SNTG1: variants seen among roughly 807,000 people sequenced by gnomAD.
SNTG1 encodes the protein syntrophin gamma 1, also known as gamma-1-syntrophin.
A neutral mutation model predicts 74.7 loss-of-function variants in SNTG1; 39 were observed. The observed-to-expected ratio is 0.52, with a 90% CI of 0.40 to 0.68. SNTG1 has a LOEUF of 0.68. SNTG1 is among the 30% of genes least tolerant of loss of function. SNTG1 has a pLI of 0.00. For missense variants in SNTG1, 685 were observed against 609.5 expected, an observed-to-expected ratio of 1.12 and a Z score of -1.30; for synonymous variants, 254 against 217.1, an observed-to-expected ratio of 1.17 and a Z score of -1.49.
At chr8:50,746,844 A>T (rs1395427530) in intron 17 of SNTG1, among the ~76,000 whole-genome samples, 1 of 147,706 alleles carries the variant, frequency 6.8e-6, no homozygotes, top group Non-Finnish European at 1.5e-5. Context: ...TATAATATAT[A>T]ATATATTATA....
Position 50,752,069 on chromosome 8 carries a change from A to T in SNTG1, c.1353A>T (p.Lys451Asn). The change falls in exon 18 of 19, where the codon AAA (lysine) becomes AAT (asparagine). Residue 451 changes from lysine to asparagine, a missense_variant. Coordinates refer to ENST00000642720, the MANE Select transcript of SNTG1 (RefSeq NM_018967.5). Reference sequence around the variant, plus strand: ...CAGATGATGGCAAGAGCAAAATCAAATTTTTGTTTCAGAATCCAGATACTA... The same window carrying T: ...CAGATGATGGCAAGAGCAAAATCAATTTTTTGTTTCAGAATCCAGATACTA... The part of the protein sequence containing the change: ...GSSDDGKSKI[K>N]FLFQNPDTKQ... 6.4e-7 allele frequency: 1 copy of T among 1,568,528 alleles called. No homozygotes were observed. Among genetic ancestry groups the T allele is most frequent in the Non-Finnish European group, 8.6e-7 (1 of 1,161,394 alleles).
intron 17 of SNTG1, among the ~76,000 whole-genome samples, chr8:50,711,734 T>C (rs1266455053): frequency 6.6e-6 from 1 of 152,158 alleles, no homozygotes; most frequent in African/African-American, 2.4e-5. Flanking sequence ...TTAAATAGCA[T>C]TCTGTTCCCT....
chr8:49,922,473 G>T (rs1034356214), intron 1 of SNTG1, among the ~76,000 whole-genome samples: 37 of 152,076 alleles, frequency 2.4e-4, no homozygotes, highest in African/African-American at 8.4e-4. Context: ...ACAGTTTAGA[G>T]CATTAATGGG....
rs189084241 is a variant in SNTG1, at chr8:49,919,732, T to C, written c.-103+7501T>C. On this transcript the variant is annotated intron_variant, in intron 1 of 18. Coordinates refer to ENST00000642720, the MANE Select transcript of SNTG1 (RefSeq NM_018967.5). ...AAAAATAGTTATTCCAGAACAGTTA[T>C]TTTTTCTATATTTGGTGACTTTTTT... Among the ~76,000 whole-genome samples the C allele has an allele frequency of 2.2e-3, 342 of 152,248 alleles. 1 individual carries two copies. The highest frequency in any genetic ancestry group is 4.8e-3 in the Admixed American group (74 of 15,284).
intron 1 of SNTG1, among the ~76,000 whole-genome samples, chr8:49,989,798 A>AAAACC (rs141674505): frequency 0.1 from 15,714 of 151,956 alleles, 1,182 homozygotes; most frequent in African/African-American, 0.2. Context: ...TTAACATCTA[A>AAAACC]AAACCAAACA....
At chr8:50,647,855 A>C (rs953023629) in intron 13 of SNTG1, among the ~76,000 whole-genome samples, 6 of 151,854 alleles carry the variant, frequency 4.0e-5, no homozygotes, top group African/African-American at 1.5e-4. Context: ...TTTCTAAAAC[A>C]TCCTATTTCT....
chr8:50,527,416 C>G (rs1372746898), intron 9 of SNTG1, among the ~76,000 whole-genome samples: 1 of 151,942 alleles, frequency 6.6e-6, no homozygotes, highest in East Asian at 1.9e-4. Flanking sequence ...TCTTATTTTC[C>G]TCTAGAGGCC....
chr8:50,153,384 T>C (rs567607080), intron 1 of SNTG1, among the ~76,000 whole-genome samples: 79 of 152,004 alleles, frequency 5.2e-4, no homozygotes, highest in African/African-American at 1.7e-3. Flanking sequence ...TTTGATTGTC[T>C]GAAGTATTCT....
chr8:50,134,725 G>A (rs1039106240), intron 1 of SNTG1, among the ~76,000 whole-genome samples: 2 of 151,882 alleles, frequency 1.3e-5, no homozygotes, highest in Non-Finnish European at 2.9e-5. Context: ...ATAGTTGAGC[G>A]GTTATAGATA....
intron 18 of SNTG1, among the ~76,000 whole-genome samples, chr8:50,777,870 A>C (rs781547223): frequency 5.9e-5 from 9 of 151,974 alleles, no homozygotes; most frequent in Non-Finnish European, 7.4e-5. Flanking sequence ...ACCCGACAAC[A>C]GTCCCCAGAG....
chr8:50,778,831 T>C (rs1262692052), intron 18 of SNTG1, among the ~76,000 whole-genome samples: 1 of 151,822 alleles, frequency 6.6e-6, no homozygotes, highest in East Asian at 1.9e-4. Flanking sequence ...GTTTTTATGG[T>C]TTCAGGTCTA....
At chr8:50,400,006 G>A (rs2092781342) in intron 3 of SNTG1, among the ~76,000 whole-genome samples, 2 of 152,194 alleles carry the variant, frequency 1.3e-5, no homozygotes, top group African/African-American at 2.4e-5. Flanking sequence ...TAATATAAGA[G>A]TGTATATGAT....
chr8:50,678,608 C>G (rs2095318690), intron 15 of SNTG1, among the ~76,000 whole-genome samples: 1 of 145,080 alleles, frequency 6.9e-6, no homozygotes, highest in Admixed American at 6.8e-5. Flanking sequence ...TGTTTTTGCC[C>G]TTCCAGCTTG....
At chr8:50,220,049 T>G (rs1376926162) in intron 2 of SNTG1, among the ~76,000 whole-genome samples, 1 of 152,046 alleles carries the variant, frequency 6.6e-6, no homozygotes, top group Admixed American at 6.6e-5. Context: ...AAGGAGAAAT[T>G]GACATATCTG....
At chr8:50,780,087 C>T (rs1019606218) in intron 18 of SNTG1, among the ~76,000 whole-genome samples, 34 of 152,280 alleles carry the variant, frequency 2.2e-4, no homozygotes, top group African/African-American at 7.5e-4. Context: ...TTTTGATGTG[C>T]TGCTGGATTT....
chr8:50,729,106 C>A (rs1232157514), intron 17 of SNTG1, among the ~76,000 whole-genome samples: 4 of 152,142 alleles, frequency 2.6e-5, no homozygotes, highest in African/African-American at 9.7e-5. Context: ...GGCATATTTG[C>A]TAGTTGTTGA....
intron 1 of SNTG1, among the ~76,000 whole-genome samples, chr8:49,951,091 G>A (rs1286128621): frequency 6.6e-6 from 1 of 152,096 alleles, no homozygotes; most frequent in Non-Finnish European, 1.5e-5. Context: ...TGCATTTGGG[G>A]GGATAGTAAA....
intron 2 of SNTG1, among the ~76,000 whole-genome samples, 153 bp downstream of exon 2, chr8:50,172,788 AC>A (rs755318340): frequency 0.034 from 2,754 of 81,468 alleles, 70 homozygotes; most frequent in African/African-American, 0.093. Context: ...AAAAAAAAAA[AC>A]AAAACCTCTT....
In SNTG1 at chr8:50,751,990, C is replaced by A; in HGVS notation, c.1285-11C>A. 1.5e-6 allele frequency: 2 copies of A among 1,311,656 alleles called. No homozygotes were observed. The highest frequency in any genetic ancestry group is 2.0e-6 in the Non-Finnish European group (2 of 987,788). The allele number at this position is 1,311,656 out of a possible 1,614,324, so 81.3% of individuals were successfully genotyped here. On this transcript the variant is annotated splice_polypyrimidine_tract_variant and intron_variant, in intron 17 of 18. Coordinates refer to ENST00000642720, the MANE Select transcript of SNTG1 (RefSeq NM_018967.5). Reference sequence around the variant, plus strand: ...TCCACCGACTTACATTGTTTTTTTTCCCCCCTTTAGGCTGTCCTTTGGAGG... The same window carrying A: ...TCCACCGACTTACATTGTTTTTTTTACCCCCTTTAGGCTGTCCTTTGGAGG...
Sources: allele counts gnomAD v4.1 joint callset (sites outside exome capture counted in the v4.1 genomes callset), GRCh38; gene constraint gnomAD v4.1.1; transcripts MANE v1.5; gene names NCBI Gene and HGNC (gene_info 2026-07-23, HGNC 2026-07-21).